Variants in PLPP4 observed in about 807,000 individuals in gnomAD.
The protein encoded by PLPP4 is phospholipid phosphatase 4, also known as diacylglycerol pyrophosphate like 2.
In PLPP4, 20 loss-of-function variants were observed where a neutral mutation model predicts 32.2. The ratio of observed to expected loss-of-function variants is 0.62; its 90% CI spans 0.44 to 0.90. The LOEUF is 0.90. PLPP4 is among the 40% of genes least tolerant of loss of function. PLPP4 has a pLI of 0.00. For synonymous variants in PLPP4, 127 were observed against 133.0 expected (o/e 0.95, Z 0.31); for missense variants, 257 against 353.1 (o/e 0.73, Z 2.18).
At chr10:120,488,512 A>G (rs1458412130) in intron 1 of PLPP4, among the ~76,000 whole-genome samples, 1 of 152,244 alleles carries the variant, frequency 6.6e-6, no homozygotes, top group East Asian at 1.9e-4. Flanking sequence ...CCATACTGCA[A>G]GTGCATGAAA....
intron 1 of PLPP4, among the ~76,000 whole-genome samples, chr10:120,502,367 GGAGAGACAGGGA>G (rs1281423742): frequency 6.6e-6 from 1 of 152,038 alleles, no homozygotes; most frequent in Non-Finnish European, 1.5e-5. Flanking sequence ...AAGGAGGGAG[GGAGAGACAGGGA>G]GAGAGACACA....
chr10:120,526,353 T>A (rs1299371024), intron 5 of PLPP4, among the ~76,000 whole-genome samples: 1 of 152,138 alleles, frequency 6.6e-6, no homozygotes, highest in Non-Finnish European at 1.5e-5. Context: ...CTGTGTGTTG[T>A]GATTTAAGGT....
At chr10:120,496,788 A>C (rs186088723) in intron 1 of PLPP4, among the ~76,000 whole-genome samples, 12 of 152,282 alleles carry the variant, frequency 7.9e-5, no homozygotes, top group Admixed American at 7.2e-4. Context: ...TCTATATAAC[A>C]AGACACATAT....
At position 120,590,268 on chromosome 10, in the gene PLPP4, G is replaced by A. The variant is rs1397333257; in HGVS notation, c.*766G>A. Reference sequence around the variant, plus strand: ...CTCTGCCTCATACAGTGAATTTTTGGGGCACGGGGGCTTTACTTGGCTCTT... The same window carrying A: ...CTCTGCCTCATACAGTGAATTTTTGAGGCACGGGGGCTTTACTTGGCTCTT... On this transcript the variant is annotated 3_prime_UTR_variant, in exon 7 of 7. Transcript: ENST00000398250. Among the ~76,000 whole-genome samples, 9 of 152,174 alleles carry A rather than the reference G, an allele frequency of 5.9e-5. No individual in the cohort carries two copies. The highest frequency in any genetic ancestry group is 1.5e-5 in the Non-Finnish European group (1 of 68,034).
At chr10:120,475,332 C>T (rs1424115829) in intron 1 of PLPP4, among the ~76,000 whole-genome samples, 2 of 152,112 alleles carry the variant, frequency 1.3e-5, no homozygotes, top group Non-Finnish European at 2.9e-5. Context: ...GGCCCAGCAC[C>T]TCAATGTCTT....
At chr10:120,492,308 A>G (rs1457208884) in intron 1 of PLPP4, among the ~76,000 whole-genome samples, 1 of 152,224 alleles carries the variant, frequency 6.6e-6, no homozygotes, top group African/African-American at 2.4e-5. Context: ...AAGGTTTGAA[A>G]ATAGTTGCAC....
At chr10:120,575,005 A>G in intron 5 of PLPP4, 126 bp from the exon 6 acceptor site, 1 of 885,966 alleles carries the variant, frequency 1.1e-6, no homozygotes, top group Middle Eastern at 2.6e-4. Context: ...TTGCCTAGAT[A>G]GTGCCTGGTG....
chr10:120,499,726 C>A (rs2463153), intron 1 of PLPP4, among the ~76,000 whole-genome samples: 1 of 151,890 alleles, frequency 6.6e-6, no homozygotes, highest in African/African-American at 2.4e-5. Flanking sequence ...GCAGTCACAA[C>A]ACTCCCAAGT....
At chr10:120,495,500 A>G (rs968734651) in intron 1 of PLPP4, among the ~76,000 whole-genome samples, 2 of 152,158 alleles carry the variant, frequency 1.3e-5, no homozygotes, top group Non-Finnish European at 2.9e-5. Context: ...GCCTGTTTAT[A>G]AGAGCTTTTC....
chr10:120,538,050 C>CTGTGTGTGTG (rs1564825186), intron 5 of PLPP4, among the ~76,000 whole-genome samples: 2 of 19,804 alleles, frequency 1.0e-4, no homozygotes, highest in Admixed American at 6.4e-4. Context: ...CTCTCTCTCT[C>CTGTGTGTGTG]TCTGTGTGTG....
chr10:120,457,321 A>G lies in PLPP4; in HGVS notation c.16A>G (p.Ile6Val), dbSNP rs1847827875. MRELA[I>V]EIGVRALLFG... is the part of the protein sequence containing the mutation. ...CGGCCGCACCATGCGGGAGCTGGCC[A>G]TTGAGATCGGGGTGCGAGCCCTGCT... The change falls in exon 1 of 7, where the codon ATT (isoleucine) becomes GTT (valine). Residue 6 changes from isoleucine to valine, a missense_variant. Transcript: ENST00000398250. 1 of 1,532,952 alleles carries G rather than the reference A, an allele frequency of 6.5e-7. No individual in the cohort carries two copies. The allele number at this position is 1,532,952 out of a possible 1,614,324, so 95.0% of individuals were successfully genotyped here. A position where few individuals can be genotyped will look rare whatever the true frequency, so the allele number is the denominator to read the frequency against.
chr10:120,501,950 G>A (rs1320054663), intron 1 of PLPP4, among the ~76,000 whole-genome samples: 1 of 152,156 alleles, frequency 6.6e-6, no homozygotes, highest in East Asian at 1.9e-4. Flanking sequence ...GTGAGCTGGG[G>A]CAGAGAGCAG....
chr10:120,542,171 A>G (rs894633124), intron 5 of PLPP4, among the ~76,000 whole-genome samples: 114 of 152,298 alleles, frequency 7.5e-4, no homozygotes, highest in Non-Finnish European at 2.9e-4. Flanking sequence ...GTTCATTTCC[A>G]GGAATATTGG....
At chr10:120,492,593 A>T (rs1267308329) in intron 1 of PLPP4, among the ~76,000 whole-genome samples, 2 of 152,140 alleles carry the variant, frequency 1.3e-5, no homozygotes, top group Non-Finnish European at 2.9e-5. Context: ...AGTTATCTCC[A>T]TTTACAGAAG....
intron 5 of PLPP4, among the ~76,000 whole-genome samples, chr10:120,541,780 C>CTTT (rs5788428): frequency 4.8e-5 from 7 of 146,590 alleles, no homozygotes; most frequent in African/African-American, 1.3e-4. Flanking sequence ...TTAAGTCATT[C>CTTT]TTTTTTTTTT....
chr10:120,575,808 T>G (rs935989347), intron 6 of PLPP4, among the ~76,000 whole-genome samples: 5 of 152,192 alleles, frequency 3.3e-5, no homozygotes, highest in Non-Finnish European at 5.9e-5. Context: ...TATATACATA[T>G]ATCAGTCCTG....
At chr10:120,503,323 G>T (rs554501669) in intron 1 of PLPP4, among the ~76,000 whole-genome samples, 1 of 152,174 alleles carries the variant, frequency 6.6e-6, no homozygotes, top group African/African-American at 2.4e-5. Flanking sequence ...ATCTGAAAAA[G>T]CAAACCCCTG....
intron 5 of PLPP4, among the ~76,000 whole-genome samples, chr10:120,527,725 CAG>C (rs1273574739): frequency 3.3e-5 from 5 of 152,160 alleles, no homozygotes; most frequent in Admixed American, 1.3e-4. Context: ...CTGTTGATAG[CAG>C]AGTCCTTGAG....
intron 1 of PLPP4, among the ~76,000 whole-genome samples, chr10:120,495,773 C>T (rs568312360): frequency 5.3e-5 from 8 of 152,274 alleles, no homozygotes; most frequent in Middle Eastern, 6.8e-3. Context: ...TCACTACCCT[C>T]GGGTGGGGCT....
Sources: allele counts gnomAD v4.1 joint callset (sites outside exome capture counted in the v4.1 genomes callset), GRCh38; gene constraint gnomAD v4.1.1; transcripts MANE v1.5; gene names NCBI Gene and HGNC (gene_info 2026-07-23, HGNC 2026-07-21).